The following PEX14 variants were observed in gnomAD, a reference collection of about 807,000 sequenced individuals.
PEX14 encodes the protein peroxisomal membrane protein PEX14.
Under a neutral mutation model 49.5 loss-of-function variants are expected in PEX14, and 15 were observed. That is an observed-to-expected ratio of 0.30 (90% CI 0.20 to 0.47). The LOEUF (loss-of-function observed/expected upper bound fraction) is 0.47. Ranked by LOEUF, PEX14 falls within the 20% of genes least tolerant of loss-of-function variation. The pLI is 1.00. For synonymous variants in PEX14, 210 were observed against 212.7 expected, an observed-to-expected ratio of 0.99 and a Z score of 0.11; for missense variants, 398 against 494.8, an observed-to-expected ratio of 0.80 and a Z score of 1.86.
intron 4 of PEX14, among the ~76,000 whole-genome samples, chr1:10,612,787 T>G (rs148779764): frequency 6.6e-6 from 1 of 152,364 alleles, no homozygotes; most frequent in Non-Finnish European, 1.5e-5. Flanking sequence ...AGGACCTTAC[T>G]GGGAGTGAGC....
rs186661544 is a variant in PEX14, at chr1:10,508,670, A to G, written c.84+13349A>G. Among the ~76,000 whole-genome samples the G allele has an allele frequency of 4.4e-3, 674 of 152,290 alleles. 6 individuals are homozygous for G. Among genetic ancestry groups the G allele is most frequent in the African/African-American group, 0.015 (640 of 41,568 alleles). On this transcript the variant is annotated intron_variant, in intron 2 of 8. Coordinates refer to ENST00000356607, the MANE Select transcript of PEX14 (RefSeq NM_004565.3). ...CTGAGGCAGGTGCCCAGGAGGAGAA[A>G]GGCTGGTTGCAGGCAGAACCAGATG...
intron 3 of PEX14, among the ~76,000 whole-genome samples, chr1:10,574,005 G>A (rs1488504392): frequency 6.6e-6 from 1 of 152,314 alleles, no homozygotes; most frequent in African/African-American, 2.4e-5. Flanking sequence ...CGGAGGCTGA[G>A]GCAGGATAAT....
intron 3 of PEX14, among the ~76,000 whole-genome samples, chr1:10,594,416 A>C (rs771759069): frequency 2.6e-5 from 4 of 152,224 alleles, no homozygotes; most frequent in Non-Finnish European, 5.9e-5. Flanking sequence ...GGGGAGGAAG[A>C]GGTCCCAATG....
chr1:10,505,472 C>T lies in PEX14; in HGVS notation c.84+10151C>T, dbSNP rs78543152. On this transcript the variant is annotated intron_variant, in intron 2 of 8. Coordinates refer to ENST00000356607, the MANE Select transcript of PEX14 (RefSeq NM_004565.3). Reference sequence around the variant, plus strand: ...AACAAAACACAATCTTTTTTCCCCCCCTTTACCATACTTTTCCTTTGCTGT... The same window carrying T: ...AACAAAACACAATCTTTTTTCCCCCTCTTTACCATACTTTTCCTTTGCTGT... Among the ~76,000 whole-genome samples the T allele has an allele frequency of 1.1e-4, 17 of 152,218 alleles. No individual in the cohort carries two copies. In the East Asian group the frequency reaches 1.5e-3, roughly 14 times the overall value.
chr1:10,485,932 A>G (rs993157196), intron 1 of PEX14, among the ~76,000 whole-genome samples: 2 of 148,182 alleles, frequency 1.3e-5, no homozygotes, highest in South Asian at 2.1e-4. Context: ...ATTTTTTTGT[A>G]TTTTTAGTAG....
At chr1:10,519,575 A>G (rs945618140) in intron 2 of PEX14, among the ~76,000 whole-genome samples, 2 of 152,108 alleles carry the variant, frequency 1.3e-5, no homozygotes, top group African/African-American at 4.8e-5. Flanking sequence ...CATTAGGTGC[A>G]CTCTTCCTTC....
chr1:10,508,766 A>G (rs928213396), intron 2 of PEX14, among the ~76,000 whole-genome samples: 1 of 152,222 alleles, frequency 6.6e-6, no homozygotes, highest in Middle Eastern at 3.2e-3. Context: ...AGGATTAGCT[A>G]AGAATTCTCA....
At chr1:10,564,851 A>T (rs973038823) in intron 3 of PEX14, among the ~76,000 whole-genome samples, 3 of 149,184 alleles carry the variant, frequency 2.0e-5, no homozygotes, top group Admixed American at 6.7e-5. Flanking sequence ...GCTATCTATG[A>T]GTTTGGGTTT....
At chr1:10,595,656 A>T (rs1640814659) in intron 3 of PEX14, among the ~76,000 whole-genome samples, 2 of 152,196 alleles carry the variant, frequency 1.3e-5, no homozygotes, top group Admixed American at 1.3e-4. Context: ...TGAATAGAGG[A>T]GGGAGGAGGC....
intron 1 of PEX14, among the ~76,000 whole-genome samples, chr1:10,481,035 G>T (rs1189214894): frequency 6.6e-6 from 1 of 150,720 alleles, no homozygotes; most frequent in African/African-American, 2.4e-5. Context: ...ATTTAAAACA[G>T]AATCTGCACT....
Position 10,629,752 on chromosome 1 carries a change from AG to A in PEX14, c.904del (p.Val302TrpfsTer33). On this transcript the variant is annotated frameshift_variant, in exon 9 of 9. Transcript: ENST00000356607. LOFTEE classifies it high-confidence loss of function. The surrounding 1 kb of genome is among the most constrained non-coding windows in gnomAD (Gnocchi z 8.5). ...YHLLGPQEEG[E>X]GVVDVKGQVR... ...TTGCTGGGCCCCCAGGAGGAAGGCG[AG>A]GGGGTGGTGGACGTCAAGGGCCAGG... is the stretch of plus-strand genomic sequence containing the variant. 1 of 1,588,410 alleles carries A rather than the reference AG, an allele frequency of 6.3e-7. No individual in the cohort carries two copies. The highest frequency in any genetic ancestry group is 8.6e-7 in the Non-Finnish European group (1 of 1,166,846).
At position 10,494,668 on chromosome 1, in the gene PEX14, C is replaced by T. The variant is rs1157154592; in HGVS notation, c.37-606C>T. Among the ~76,000 whole-genome samples, 2 of 152,198 alleles carry T rather than the reference C, an allele frequency of 1.3e-5. No homozygotes were observed. Among genetic ancestry groups the T allele is most frequent in the African/African-American group, 4.8e-5 (2 of 41,452 alleles). On this transcript the variant is annotated intron_variant, in intron 1 of 8. Coordinates refer to ENST00000356607, the MANE Select transcript of PEX14 (RefSeq NM_004565.3). The surrounding 1 kb of genome is among the most constrained non-coding windows in gnomAD (Gnocchi z 4.3). ...TGCTTATATGCCAGCCTGTCACTAGCTTATTTCCAAGAAGGATTTAAGCCT... is the reference window on the plus strand; with the variant it reads ...TGCTTATATGCCAGCCTGTCACTAGTTTATTTCCAAGAAGGATTTAAGCCT...
In PEX14 at chr1:10,629,812, G is replaced by A. The variant is rs12070353; in HGVS notation, c.959G>A (p.Arg320Lys). ...GAGGTGCAAGGCGAGGAGGAGAAGA[G>A]GGAGGACAAGGAGGACGAGGAGGAT... ...RMEVQGEEEK[R>K]EDKEDEEDEE... Residue 320 changes from arginine to lysine, a missense_variant, in exon 9 of 9, where the codon AGG becomes AAG. Physicochemically the swap from Arg to Lys is conservative, Grantham distance 26. Around this residue, in one of 3 missense-constraint regions of PEX14, gnomAD observed 140 missense variants for 155.5 expected, o/e 0.90. Coordinates refer to ENST00000356607, the MANE Select transcript of PEX14 (RefSeq NM_004565.3). This position sits in a 1 kb window ranked among gnomAD's most constrained non-coding sequence, Gnocchi z 8.5. The A allele has an allele frequency of 1.5e-3, 2,453 of 1,592,494 alleles. 42 individuals are homozygous for A. The African/African-American group carries it at 0.03, about 19-fold the overall frequency.
intron 3 of PEX14, among the ~76,000 whole-genome samples, chr1:10,588,336 C>T (rs1472856419): frequency 6.6e-6 from 1 of 152,104 alleles, no homozygotes. Context: ...ACCACTGTGC[C>T]CAGCTACATG....
intron 2 of PEX14, among the ~76,000 whole-genome samples, chr1:10,520,453 C>T (rs750577947): frequency 3.9e-5 from 6 of 152,080 alleles, no homozygotes; most frequent in African/African-American, 1.2e-4. Flanking sequence ...CCACCATGGC[C>T]GGCCCTGAAA....
intron 3 of PEX14, among the ~76,000 whole-genome samples, chr1:10,564,599 T>C (rs1000868189): frequency 5.5e-5 from 8 of 144,598 alleles, no homozygotes; most frequent in African/African-American, 1.0e-4. Flanking sequence ...TTCTTTCTTT[T>C]TTTTTTTTTT....
intron 3 of PEX14, among the ~76,000 whole-genome samples, chr1:10,577,562 ATTTTTTTTTTTTTT>A (rs1164876121): frequency 0.078 from 483 of 6,224 alleles, 39 homozygotes; most frequent in Non-Finnish European, 0.093. Flanking sequence ...ATATATATAT[ATTTTTTTTTTTTTT>A]TTTTTTTTTT....
chr1:10,561,961 C>G (rs1193987064), intron 3 of PEX14, among the ~76,000 whole-genome samples: 3 of 152,154 alleles, frequency 2.0e-5, no homozygotes, highest in Non-Finnish European at 4.4e-5. Context: ...GAGACAAGGT[C>G]TCACTCTGGC....
At chr1:10,506,037 A>G (rs1172038062) in intron 2 of PEX14, among the ~76,000 whole-genome samples, 3 of 152,062 alleles carry the variant, frequency 2.0e-5, no homozygotes, top group African/African-American at 7.2e-5. Context: ...TATTTTTAAA[A>G]CTGTGTCAAG....
Sources: allele counts gnomAD v4.1 joint callset (sites outside exome capture counted in the v4.1 genomes callset), GRCh38; gene constraint gnomAD v4.1.1; regional missense constraint gnomAD v4.1.1; non-coding constraint Gnocchi (gnomAD v3.1); transcripts MANE v1.5; gene names NCBI Gene and HGNC (gene_info 2026-07-23, HGNC 2026-07-21).